STARD9: variants seen among roughly 807,000 people sequenced by gnomAD.
The protein encoded by STARD9 is stAR-related lipid transfer protein 9.
STARD9 carries 346 observed loss-of-function variants against 399.8 expected under a neutral mutation model. The ratio of observed to expected loss-of-function variants is 0.87; its 90% CI spans 0.79 to 0.95. The LOEUF (loss-of-function observed/expected upper bound fraction) is 0.95. Ranked by LOEUF, STARD9 falls within the 40% of genes least tolerant of loss-of-function variation. The pLI is 0.00. For synonymous variants in STARD9, 2,203 were observed against 2,143.5 expected (o/e 1.03, Z -0.77); for missense variants, 5,832 against 5,667.5 (o/e 1.03, Z -0.93).
rs753906237 is a variant in STARD9, at chr15:42,687,399, G to C, written c.5821G>C (p.Gly1941Arg). The change falls in exon 23 of 33, where the codon GGG becomes CGG. Residue 1941 changes from glycine to arginine, a missense_variant. By Grantham distance (125) the Gly-to-Arg change is moderately radical. This residue lies in a region of STARD9 where 5,828 missense variants were observed against 5,651.1 expected (regional missense o/e 1.03). Coordinates refer to ENST00000290607, the MANE Select transcript of STARD9 (RefSeq NM_020759.3). ...TGTAAGCCTTGAGAAAGACATGCCA[G>C]GGGAAAGTGCTGTTTCTTTGAAATC... ...INVSLEKDMP[G>R]ESAVSLKSRS... The C allele has an allele frequency of 1.1e-5, 17 of 1,536,846 alleles. No homozygotes were observed. The highest frequency in any genetic ancestry group is 1.7e-4 in the Middle Eastern group (1 of 5,990).
Position 42,663,121 on chromosome 15 carries a change from G to A in STARD9, c.869-160G>A, listed in dbSNP as rs181960073. 82 of 766,984 alleles carry A rather than the reference G, an allele frequency of 1.1e-4. No homozygotes were observed. In the East Asian group the frequency reaches 1.8e-3, roughly 17 times the overall value. 47.5% of individuals were successfully genotyped at this position (766,984 alleles called of 1,614,324 possible). On this transcript the variant is annotated intron_variant, in intron 11 of 32. Coordinates refer to ENST00000290607, the MANE Select transcript of STARD9 (RefSeq NM_020759.3). ...TTATGTGACTCAAACATTCCATATC[G>A]TGAGTCTAAAGTCTTTAGGAATACC...
chr15:42,659,945 C>T (rs576901995), intron 9 of STARD9, among the ~76,000 whole-genome samples: 2 of 152,226 alleles, frequency 1.3e-5, no homozygotes, highest in South Asian at 2.1e-4. Flanking sequence ...TTTGTAATTA[C>T]CCCAAAATAG....
At chr15:42,575,822 C>G (rs2058041223) in intron 1 of STARD9, 60 bp downstream of exon 1, 3 of 1,485,822 alleles carry the variant, frequency 2.0e-6, no homozygotes, top group Admixed American at 2.0e-5. Context: ...AGCGGGAGGT[C>G]CGCGTCTCCC....
At chr15:42,587,830 G>A (rs1414078376) in intron 3 of STARD9, among the ~76,000 whole-genome samples, 1 of 152,148 alleles carries the variant, frequency 6.6e-6, no homozygotes, top group Non-Finnish European at 1.5e-5. Flanking sequence ...CTCCTAAAGT[G>A]CTGGGATTAC....
Position 42,692,937 on chromosome 15 carries a change from GCAGAGGAAACAGCA to G in STARD9, c.11364_11377del (p.Glu3789AsnfsTer46), listed in dbSNP as rs1468230356. The G allele has an allele frequency of 6.5e-7, 1 of 1,537,086 alleles. No homozygotes were observed. Among genetic ancestry groups the G allele is most frequent in the African/African-American group, 1.4e-5 (1 of 73,028 alleles). The stretch of plus-strand genomic sequence containing the variant: ...GCCAGGGGTACCTCAGAAGAGAGAG[GCAGAGGAAACAGCA>G]CAGAAAATGGCTCAGCTCCTCTATC... On this transcript the variant is annotated frameshift_variant, in exon 23 of 33. Transcript: ENST00000290607. LOFTEE classifies it high-confidence loss of function.
In STARD9 at chr15:42,687,155, C is replaced by A. The variant is rs1037567662; in HGVS notation, c.5577C>A (p.Pro1859=). 1 of 1,537,288 alleles carries A rather than the reference C, an allele frequency of 6.5e-7. No individual in the cohort carries two copies. Among genetic ancestry groups the A allele is most frequent in the South Asian group, 1.2e-5 (1 of 84,050 alleles). The change falls in exon 23 of 33, where the codon CCC becomes CCA. Residue 1859 remains proline (P), a synonymous_variant. Coordinates refer to ENST00000290607, the MANE Select transcript of STARD9 (RefSeq NM_020759.3). ...TTACTCAGAACAGACATTTTCTCCCCTCTACCAGCACAAAAGTATGTGAAT... is the reference window on the plus strand; with the variant it reads ...TTACTCAGAACAGACATTTTCTCCCATCTACCAGCACAAAAGTATGTGAAT... The part of the protein sequence containing the change: ...SSVTQNRHFL[P]STSTKVCEFE...
chr15:42,691,307 G>T lies in STARD9; in HGVS notation c.9729G>T (p.Gln3243His). ...LPDEDGLDGC[Q>H]ILDAGREEVA... ...ATGAAGATGGCTTAGATGGCTGTCAGATTTTAGATGCTGGGAGAGAGGAGG... is the reference window on the plus strand; with the variant it reads ...ATGAAGATGGCTTAGATGGCTGTCATATTTTAGATGCTGGGAGAGAGGAGG... The change falls in exon 23 of 33, where the codon CAG (glutamine) becomes CAT (histidine). Residue 3243 changes from glutamine to histidine, a missense_variant. Coordinates refer to ENST00000290607, the MANE Select transcript of STARD9 (RefSeq NM_020759.3). 2 of 1,537,274 alleles carry T rather than the reference G, an allele frequency of 1.3e-6. No homozygotes were observed. Among genetic ancestry groups the T allele is most frequent in the Non-Finnish European group, 1.7e-6 (2 of 1,146,908 alleles).
intron 3 of STARD9, among the ~76,000 whole-genome samples, chr15:42,628,511 A>G (rs1029127153): frequency 3.9e-5 from 6 of 152,166 alleles, no homozygotes; most frequent in Non-Finnish European, 8.8e-5. Flanking sequence ...GCCCAGACCT[A>G]TGTCCTGGAG....
At chr15:42,640,842 C>G (rs1458885243) in intron 7 of STARD9, among the ~76,000 whole-genome samples, 2 of 102,118 alleles carry the variant, frequency 2.0e-5, no homozygotes, top group Admixed American at 2.1e-4. Context: ...AAAAAAAAGT[C>G]TGTGTGTGTA....
At chr15:42,590,524 C>T (rs924298615) in intron 3 of STARD9, among the ~76,000 whole-genome samples, 4 of 152,078 alleles carry the variant, frequency 2.6e-5, no homozygotes, top group Admixed American at 2.6e-4. Context: ...CTTAAGAAGC[C>T]ATTCAGAGGT....
rs2060773614 is a variant in STARD9 at position 42,693,778 on chromosome 15, G to A, written c.12200G>A (p.Gly4067Glu). 2 of 1,536,350 alleles carry A rather than the reference G, an allele frequency of 1.3e-6. No individual in the cohort carries two copies. Among genetic ancestry groups the A allele is most frequent in the Non-Finnish European group, 1.7e-6 (2 of 1,146,650 alleles). Residue 4067 changes from glycine to glutamate, a missense_variant, in exon 23 of 33, where the codon GGG becomes GAG. By Grantham distance (98) the Gly-to-Glu change is moderately conservative. This residue lies in a region of STARD9 where 5,828 missense variants were observed against 5,651.1 expected (regional missense o/e 1.03). Coordinates refer to ENST00000290607, the MANE Select transcript of STARD9 (RefSeq NM_020759.3). ...ENGGESSASP[G>E]EPQRTLDRPS... Reference sequence around the variant, plus strand: ...GGAGGTGAGAGTTCAGCATCTCCAGGGGAACCACAACGCACTCTGGACCGA... The same window carrying A: ...GGAGGTGAGAGTTCAGCATCTCCAGAGGAACCACAACGCACTCTGGACCGA...
In STARD9 at chr15:42,691,651, T is replaced by A; in HGVS notation, c.10073T>A (p.Leu3358Ter). Reference protein sequence around the residue: ...TDEDTQGPNRLWNPHLRGYSS... With the variant: ...TDEDTQGPNR ...GAAGATACACAGGGGCCTAACAGAT[T>A]GTGGAACCCACATCTCAGGGGCTAT... The change falls in exon 23 of 33, where the codon TTG becomes TAG. Residue 3358 changes from leucine (L) to a stop codon, truncating the protein, a stop_gained. Transcript: ENST00000290607. LOFTEE classifies it high-confidence loss of function. 2 of 1,537,250 alleles carry A rather than the reference T, an allele frequency of 1.3e-6. No individual in the cohort carries two copies. Among genetic ancestry groups the A allele is most frequent in the Non-Finnish European group, 1.7e-6 (2 of 1,146,904 alleles).
intron 9 of STARD9, among the ~76,000 whole-genome samples, chr15:42,656,438 A>T (rs1464351717): frequency 6.6e-6 from 1 of 150,882 alleles, no homozygotes; most frequent in Non-Finnish European, 1.5e-5. Context: ...TAGTATCACC[A>T]TTATGGAAAA....
At chr15:42,610,507 T>C (rs1269423845) in intron 3 of STARD9, among the ~76,000 whole-genome samples, 1 of 152,186 alleles carries the variant, frequency 6.6e-6, no homozygotes, top group Non-Finnish European at 1.5e-5. Context: ...CACTATTCTT[T>C]TGGGGTTTGC....
chr15:42,621,915 G>A (rs574485901), intron 3 of STARD9, among the ~76,000 whole-genome samples: 12 of 152,278 alleles, frequency 7.9e-5, no homozygotes, highest in African/African-American at 2.9e-4. Flanking sequence ...GTTAGACAAA[G>A]CTAGGGAATA....
chr15:42,596,330 A>G (rs2058503768), intron 3 of STARD9, among the ~76,000 whole-genome samples: 1 of 152,022 alleles, frequency 6.6e-6, no homozygotes, highest in Non-Finnish European at 1.5e-5. Flanking sequence ...AATTCCTTAT[A>G]CTCACCCTTT....
chr15:42,630,891 A>G (rs2059319495), intron 3 of STARD9, among the ~76,000 whole-genome samples: 1 of 148,322 alleles, frequency 6.7e-6, no homozygotes, highest in Admixed American at 6.7e-5. Context: ...GATCTTTTGT[A>G]TTGCTTTTTT....
intron 7 of STARD9, among the ~76,000 whole-genome samples, chr15:42,648,101 A>G (rs2059681451): frequency 2.6e-5 from 4 of 152,154 alleles, no homozygotes; most frequent in African/African-American, 9.7e-5. Flanking sequence ...AGTGCCTTCT[A>G]CTTCAAGAAT....
At chr15:42,663,521 T>C (rs2060029917) in intron 12 of STARD9, 31 bp downstream of exon 12, 1 of 1,525,770 alleles carries the variant, frequency 6.6e-7, no homozygotes, top group Admixed American at 2.0e-5. Context: ...GGACCTGTGT[T>C]GGGACTGGTA....
Sources: gnomAD v4.1 joint callset for allele counts (sites outside exome capture counted in the v4.1 genomes callset) on GRCh38, gnomAD v4.1.1 for gene constraint, gnomAD v4.1.1 regional missense constraint, MANE v1.5 for transcripts, NCBI Gene and HGNC (gene_info 2026-07-23, HGNC 2026-07-21) for gene names.